The following AAK1 variants were observed in gnomAD, a reference collection of about 807,000 sequenced individuals.
AAK1 encodes the protein AP2 associated kinase 1.
In AAK1, 37 loss-of-function variants were observed where a neutral mutation model predicts 116.0. That is an observed-to-expected ratio of 0.32 (90% CI 0.25 to 0.42). The LOEUF (loss-of-function observed/expected upper bound fraction) is 0.42, where lower values mean the gene tolerates loss of function less well. Among genes scored for constraint, AAK1 ranks in the 10% least tolerant of loss-of-function variants. AAK1 has a pLI of 1.00. For missense variants in AAK1, 919 were observed against 1,170.6 expected (o/e 0.79, Z 3.14); for synonymous variants, 458 against 439.9 (o/e 1.04, Z -0.51).
chr2:69,621,154 A>T (rs1397355330), intron 2 of AAK1, among the ~76,000 whole-genome samples: 1 of 152,224 alleles, frequency 6.6e-6, no homozygotes, highest in African/African-American at 2.4e-5. Flanking sequence ...GATGTTCTGA[A>T]TTCAAGTATA....
intron 6 of AAK1, chr2:69,531,705 A>G: frequency 9.7e-7 from 1 of 1,036,102 alleles, no homozygotes; most frequent in Non-Finnish European, 1.2e-6. Context: ...TGTTGTGATC[A>G]TACTTAAAAA....
intron 2 of AAK1, among the ~76,000 whole-genome samples, chr2:69,628,274 T>G (rs547022736): frequency 1.4e-4 from 20 of 147,766 alleles, no homozygotes; most frequent in African/African-American, 5.3e-4. Context: ...AGCAAAACCC[T>G]GTTTCTTTTC....
At chr2:69,592,115 C>T (rs750899163) in intron 2 of AAK1, among the ~76,000 whole-genome samples, 44 of 152,028 alleles carry the variant, frequency 2.9e-4, no homozygotes, top group Non-Finnish European at 8.8e-5. Flanking sequence ...AAAGGAAGAC[C>T]GCTCCAAATT....
At chr2:69,508,716 TA>T (rs1478503014) in intron 14 of AAK1, among the ~76,000 whole-genome samples, 6 of 152,300 alleles carry the variant, frequency 3.9e-5, no homozygotes, top group African/African-American at 1.4e-4. Context: ...TCTTGATGAA[TA>T]AATGAACATT....
chr2:69,493,141 A>G (rs921415081), intron 17 of AAK1, among the ~76,000 whole-genome samples: 1 of 138,520 alleles, frequency 7.2e-6, no homozygotes, highest in African/African-American at 2.8e-5. Context: ...CCTGGGCGAC[A>G]GAGCGAGACT....
chr2:69,550,971 G>A lies in AAK1; in HGVS notation c.282+5889C>T, dbSNP rs770973805. Among the ~76,000 whole-genome samples the A allele has an allele frequency of 3.3e-5, 5 of 151,930 alleles. 1 individual carries two copies. The highest frequency in any genetic ancestry group is 3.3e-4 in the Admixed American group (5 of 15,228). ...AACATTCAAATAGTTCATAATACTA[G>A]ACAATTTTTTTCCTACTCCAATCCC... is the stretch of plus-strand genomic sequence containing the variant. On this transcript the variant is annotated intron_variant, in intron 3 of 21. Transcript: ENST00000409085.
intron 2 of AAK1, among the ~76,000 whole-genome samples, chr2:69,614,930 T>G (rs1380219874): frequency 6.6e-6 from 1 of 152,122 alleles, no homozygotes; most frequent in Non-Finnish European, 1.5e-5. Flanking sequence ...CCCCTGGAGC[T>G]TTTGAGGGAG....
chr2:69,532,493 T>C (rs1419063332), intron 5 of AAK1, among the ~76,000 whole-genome samples: 1 of 152,174 alleles, frequency 6.6e-6, no homozygotes, highest in Non-Finnish European at 1.5e-5. Context: ...GTGCCTTTGC[T>C]CTTGCTCTTC....
intron 18 of AAK1, 94 bp downstream of exon 18, chr2:69,482,617 C>T: frequency 5.0e-6 from 5 of 996,152 alleles, no homozygotes; most frequent in Non-Finnish European, 7.9e-6. Context: ...GGTGGCAGGG[C>T]TATTCCCCAG....
At chr2:69,510,320 A>G (rs932668098) in intron 13 of AAK1, among the ~76,000 whole-genome samples, 7 of 152,050 alleles carry the variant, frequency 4.6e-5, no homozygotes, top group Non-Finnish European at 8.8e-5. Flanking sequence ...TATTCCTCCA[A>G]TAGTTTGCTA....
chr2:69,633,987 T>C (rs4852296), intron 2 of AAK1, among the ~76,000 whole-genome samples: 17,765 of 152,120 alleles, frequency 0.12, 2,333 homozygotes, highest in African/African-American at 0.31. Context: ...CTGGCTAACA[T>C]GGTGAAACCC....
intron 2 of AAK1, among the ~76,000 whole-genome samples, chr2:69,571,302 G>T (rs1461531713): frequency 6.6e-6 from 1 of 152,192 alleles, no homozygotes; most frequent in Non-Finnish European, 1.5e-5. Flanking sequence ...GTAATCAAAT[G>T]GTGCTACACA....
intron 5 of AAK1, among the ~76,000 whole-genome samples, chr2:69,535,662 G>A (rs1313913423): frequency 1.3e-5 from 2 of 152,050 alleles, no homozygotes; most frequent in Admixed American, 6.5e-5. Context: ...GCCATATGGG[G>A]AAAGAGCATT....
chr2:69,524,086 T>G (rs1316640154), intron 10 of AAK1, among the ~76,000 whole-genome samples: 1 of 152,232 alleles, frequency 6.6e-6, no homozygotes, highest in Non-Finnish European at 1.5e-5. Context: ...TGTGATTAGC[T>G]AAGACCCAGA....
chr2:69,508,894 G>A (rs1022091071), intron 14 of AAK1, among the ~76,000 whole-genome samples: 4 of 152,292 alleles, frequency 2.6e-5, no homozygotes, highest in African/African-American at 4.8e-5. Flanking sequence ...ACTTTTCAGC[G>A]TGGAGAGACT....
chr2:69,588,492 C>A (rs1006148905), intron 2 of AAK1, among the ~76,000 whole-genome samples: 1 of 152,178 alleles, frequency 6.6e-6, no homozygotes, highest in Non-Finnish European at 1.5e-5. Flanking sequence ...TCTGTTATAA[C>A]GGTTTGTTTC....
intron 2 of AAK1, among the ~76,000 whole-genome samples, chr2:69,618,330 C>T (rs2105231353): frequency 6.6e-6 from 1 of 152,116 alleles, no homozygotes; most frequent in South Asian, 2.1e-4. Flanking sequence ...GGAAGTTAAG[C>T]TGCCAAATAA....
intron 15 of AAK1, among the ~76,000 whole-genome samples, chr2:69,506,092 T>A (rs1206399401): frequency 2.0e-5 from 3 of 152,176 alleles, no homozygotes; most frequent in South Asian, 2.1e-4. Flanking sequence ...GAGGGAGTGG[T>A]GGAGATGGCA....
At position 69,463,381 on chromosome 2, in the gene AAK1, T is replaced by C. The variant is rs1478171814; in HGVS notation, c.*12488A>G. ...TTTATTATTATATTTTTGGAGACAG[T>C]GTCTCACTCTGTCACCCAGGCTGGA... On this transcript the variant is annotated 3_prime_UTR_variant, in exon 22 of 22. Coordinates refer to ENST00000409085, the MANE Select transcript of AAK1 (RefSeq NM_014911.5). 1 of 152,166 alleles carries C rather than the reference T, an allele frequency of 6.6e-6. No homozygotes were observed. Among genetic ancestry groups the C allele is most frequent in the Non-Finnish European group, 1.5e-5 (1 of 68,034 alleles). 9.4% of individuals were successfully genotyped at this position (152,166 alleles called of 1,614,324 possible).
Sources: gnomAD v4.1 joint callset for allele counts (sites outside exome capture counted in the v4.1 genomes callset) on GRCh38, gnomAD v4.1.1 for gene constraint, MANE v1.5 for transcripts, NCBI Gene and HGNC (gene_info 2026-07-23, HGNC 2026-07-21) for gene names.